The following LRRC37A2 variants were observed in gnomAD, a reference collection of about 807,000 sequenced individuals.
The protein encoded by LRRC37A2 is leucine-rich repeat-containing protein 37A2.
Under a neutral mutation model 68.8 loss-of-function variants are expected in LRRC37A2, and 9 were observed. The observed-to-expected ratio is 0.13, with a 90% CI of 0.08 to 0.23. The LOEUF (loss-of-function observed/expected upper bound fraction) is 0.23. LRRC37A2 is among the 10% of genes least tolerant of loss of function. LRRC37A2 has a pLI of 1.00. For synonymous variants in LRRC37A2, 63 were observed against 367.6 expected (o/e 0.17, Z 9.48); for missense variants, 168 against 950.4 (o/e 0.18, Z 10.82).
the LRRC37A2 span, among the ~76,000 whole-genome samples, chr17:46,773,333 C>G: frequency 2.0e-5 from 3 of 152,210 alleles, no homozygotes; most frequent in East Asian, 5.8e-4. Context: ...CACCCCCACC[C>G]CAAAGCGGTA....
chr17:46,788,278 T>C, the LRRC37A2 span, among the ~76,000 whole-genome samples: 1 of 152,212 alleles, frequency 6.6e-6, no homozygotes, highest in Non-Finnish European at 1.5e-5. Flanking sequence ...CATTTTAACC[T>C]TGTAACATTT....
chr17:46,598,722 A>C, the LRRC37A2 span, among the ~76,000 whole-genome samples: 1 of 152,200 alleles, frequency 6.6e-6, no homozygotes, highest in African/African-American at 2.4e-5. Context: ...TTAGAAACCT[A>C]GTCATTTATA....
At chr17:46,704,649 G>C in the LRRC37A2 span, 23 of 1,280,920 alleles carry the variant, frequency 1.8e-5, no homozygotes, top group South Asian at 3.4e-4. Flanking sequence ...ATTTTTTTAT[G>C]TGTGAAAATA....
At chr17:46,909,693 TTTAA>T in the LRRC37A2 span, 1 of 152,264 alleles carries the variant, frequency 6.6e-6, no homozygotes, top group South Asian at 2.1e-4. Flanking sequence ...TAACTTTTCT[TTTAA>T]GTTCAGGGGT....
At chr17:46,823,786 A>C in the LRRC37A2 span, among the ~76,000 whole-genome samples, 1 of 143,498 alleles carries the variant, frequency 7.0e-6, no homozygotes, top group Non-Finnish European at 1.5e-5. Context: ...GTCCTTTAGA[A>C]GGGAGGGAAT....
At chr17:47,030,115 C>A in the LRRC37A2 span, among the ~76,000 whole-genome samples, 320 of 125,146 alleles carry the variant, frequency 2.6e-3, 19 homozygotes, top group East Asian at 8.7e-3. Context: ...TCATCATCAT[C>A]ATCATCATCA....
At chr17:46,743,670 A>T in the LRRC37A2 span, among the ~76,000 whole-genome samples, 1 of 152,190 alleles carries the variant, frequency 6.6e-6, no homozygotes, top group Non-Finnish European at 1.5e-5. Flanking sequence ...TAAAAGGTGC[A>T]GCATGGTCCC....
the LRRC37A2 span, among the ~76,000 whole-genome samples, chr17:46,839,364 C>A: frequency 6.6e-6 from 1 of 152,200 alleles, no homozygotes; most frequent in Non-Finnish European, 1.5e-5. Flanking sequence ...ACTCTTAGCC[C>A]CTGGCGGGTC....
At chr17:46,876,880 C>G in the LRRC37A2 span, 2 of 1,392,048 alleles carry the variant, frequency 1.4e-6, no homozygotes, top group East Asian at 2.6e-5. Flanking sequence ...CCTTGGCCAG[C>G]CTTTTGCCTC....
chr17:46,874,578 A>C, the LRRC37A2 span, among the ~76,000 whole-genome samples: 1 of 152,038 alleles, frequency 6.6e-6, no homozygotes, highest in Non-Finnish European at 1.5e-5. Flanking sequence ...TTTATTTATA[A>C]ATTAAAAAAA....
the LRRC37A2 span, among the ~76,000 whole-genome samples, chr17:46,965,225 C>G: frequency 6.6e-6 from 1 of 152,234 alleles, no homozygotes; most frequent in Non-Finnish European, 1.5e-5. Flanking sequence ...CTTCTCACTG[C>G]AATTGCAAAC....
the LRRC37A2 span, chr17:46,940,079 TTCTG>T: frequency 8.9e-7 from 1 of 1,117,444 alleles, no homozygotes; most frequent in African/African-American, 1.6e-5. Context: ...TTGAACTGTC[TTCTG>T]TCTTATTTCC....
At chr17:46,872,229 A>G in the LRRC37A2 span, among the ~76,000 whole-genome samples, 1 of 152,228 alleles carries the variant, frequency 6.6e-6, no homozygotes, top group Non-Finnish European at 1.5e-5. Context: ...CGTATTTTTA[A>G]TAAGCACCCC....
chr17:46,905,838 G>C, the LRRC37A2 span, among the ~76,000 whole-genome samples: 1 of 151,318 alleles, frequency 6.6e-6, no homozygotes, highest in Non-Finnish European at 1.5e-5. Context: ...ATGGGGTAAG[G>C]GTATTGTGTG....
At chr17:46,755,706 T>G in the LRRC37A2 span, 1 of 1,349,192 alleles carries the variant, frequency 7.4e-7, no homozygotes, top group African/African-American at 1.5e-5. Flanking sequence ...GGATAACCAT[T>G]AAGAAGCTTT....
At chr17:46,552,591 A>AT (rs2056894473) in intron 11 of LRRC37A2, 1 of 55,232 alleles carries the variant, frequency 1.8e-5, no homozygotes, top group African/African-American at 8.4e-5. Flanking sequence ...AAAACAGTCA[A>AT]TAAAATGTAT....
chr17:46,935,431 T>A, the LRRC37A2 span: 1 of 1,419,296 alleles, frequency 7.0e-7, no homozygotes, highest in Non-Finnish European at 9.2e-7. Flanking sequence ...ACTGAACTTA[T>A]CATGAAAGTG....
the LRRC37A2 span, chr17:46,751,442 T>G: frequency 8.6e-7 from 1 of 1,166,268 alleles, no homozygotes; most frequent in Admixed American, 1.8e-5. Flanking sequence ...GTAAATAGAA[T>G]TAACCAATGT....
At chr17:46,500,485 C>T in the LRRC37A2 span, among the ~76,000 whole-genome samples, 4 of 149,662 alleles carry the variant, frequency 2.7e-5, no homozygotes, top group Admixed American at 2.7e-4. Flanking sequence ...AAACAATTTA[C>T]CAGATGATTT....
Sources: gnomAD v4.1 joint callset for allele counts (sites outside exome capture counted in the v4.1 genomes callset) on GRCh38, gnomAD v4.1.1 for gene constraint, MANE v1.5 for transcripts, NCBI Gene and HGNC (gene_info 2026-07-23, HGNC 2026-07-21) for gene names.